Variants in KCNJ12 observed in about 807,000 individuals in gnomAD.
KCNJ12 encodes potassium inwardly rectifying channel subfamily J member 12, also known as ATP-sensitive inward rectifier potassium channel 12.
In KCNJ12, 2 loss-of-function variants were observed where a neutral mutation model predicts 22.3. That is an observed-to-expected ratio of 0.09 (90% CI 0.04 to 0.28). The LOEUF (loss-of-function observed/expected upper bound fraction) is 0.28. Ranked by LOEUF, KCNJ12 falls within the 10% of genes least tolerant of loss-of-function variation. The probability of loss-of-function intolerance (pLI) is 1.00; values close to 1 mark genes in which losing one functional copy is unlikely to be tolerated. For missense variants in KCNJ12, 155 were observed against 633.3 expected, an observed-to-expected ratio of 0.24 and a Z score of 8.11; for synonymous variants, 117 against 261.4, an observed-to-expected ratio of 0.45 and a Z score of 5.33.
rs555779810 is a variant in KCNJ12 at position 21,379,438 on chromosome 17, C to G, written c.-179+2525C>G. Among the ~76,000 whole-genome samples, 1,238 of 152,324 alleles carry G rather than the reference C, an allele frequency of 8.1e-3. 15 individuals are homozygous for G. Among genetic ancestry groups the G allele is most frequent in the African/African-American group, 0.028 (1,158 of 41,582 alleles). ...CCCAGGCCCAGCTCTGGGCTGGGCC[C>G]TTCCTCCAACAGGTGCAGCTGGTGC... On this transcript the variant is annotated intron_variant, in intron 1 of 2. Coordinates refer to ENST00000583088, the MANE Select transcript of KCNJ12 (RefSeq NM_021012.5).
chr17:21,407,105 A>C (rs1430258048), intron 1 of KCNJ12, among the ~76,000 whole-genome samples: 1 of 152,284 alleles, frequency 6.6e-6, no homozygotes, highest in Non-Finnish European at 1.5e-5. Context: ...CCATCTAGTC[A>C]TCTATCCTAC....
chr17:21,382,692 T>C (rs76248858), intron 1 of KCNJ12, among the ~76,000 whole-genome samples: 2,563 of 152,258 alleles, frequency 0.017, 74 homozygotes, highest in African/African-American at 0.059. Context: ...ACAGGGCTGG[T>C]GGCCCCTTTT....
At chr17:21,401,457 G>A (rs79413162) in intron 1 of KCNJ12, among the ~76,000 whole-genome samples, 1 of 152,252 alleles carries the variant, frequency 6.6e-6, no homozygotes, top group Non-Finnish European at 1.5e-5. Flanking sequence ...TGTGGGCCGA[G>A]CTCAGAGCTC....
At chr17:21,407,700 C>T (rs1402624975) in intron 1 of KCNJ12, among the ~76,000 whole-genome samples, 4 of 152,302 alleles carry the variant, frequency 2.6e-5, no homozygotes, top group African/African-American at 9.6e-5. Flanking sequence ...TCCATCCAAT[C>T]ATCTACTTTC....
At chr17:21,410,443 G>A (rs1467900305) in intron 2 of KCNJ12, among the ~76,000 whole-genome samples, 67 of 152,250 alleles carry the variant, frequency 4.4e-4, no homozygotes, top group Admixed American at 4.3e-3. Flanking sequence ...TTGCCTGGGC[G>A]AGGCTGGAGC....
At chr17:21,390,310 C>T (rs1451545608) in intron 1 of KCNJ12, among the ~76,000 whole-genome samples, 2 of 152,172 alleles carry the variant, frequency 1.3e-5, no homozygotes, top group Middle Eastern at 3.2e-3. Context: ...CCAAAGGTGG[C>T]GATGGAGGGC....
intron 1 of KCNJ12, among the ~76,000 whole-genome samples, chr17:21,390,114 C>A (rs1905172698): frequency 6.6e-6 from 1 of 152,164 alleles, no homozygotes; most frequent in Non-Finnish European, 1.5e-5. Context: ...GCAGGGTAAC[C>A]ACCTCTTTCA....
At chr17:21,415,142 G>C in intron 2 of KCNJ12, 145 bp from the exon 3 acceptor site, 1 of 812,094 alleles carries the variant, frequency 1.2e-6, no homozygotes. Context: ...AGGCGGAGTG[G>C]GGAGCTGGCT....
chr17:21,412,543 C>T (rs1437351360), intron 2 of KCNJ12, among the ~76,000 whole-genome samples: 1 of 152,310 alleles, frequency 6.6e-6, no homozygotes, highest in Non-Finnish European at 1.5e-5. Context: ...GGCCTCACGC[C>T]GGCGTCTGAG....
chr17:21,393,449 C>A (rs1391501734), intron 1 of KCNJ12, among the ~76,000 whole-genome samples: 1 of 152,180 alleles, frequency 6.6e-6, no homozygotes, highest in Non-Finnish European at 1.5e-5. Context: ...TCTGCGTGCG[C>A]CCTCCCCTCT....
intron 1 of KCNJ12, among the ~76,000 whole-genome samples, chr17:21,406,033 C>G (rs1366967114): frequency 6.6e-6 from 1 of 152,252 alleles, no homozygotes; most frequent in Non-Finnish European, 1.5e-5. Context: ...CTGCTGCAAG[C>G]CAGGTGACCA....
intron 1 of KCNJ12, among the ~76,000 whole-genome samples, chr17:21,401,194 C>T (rs1341311587): frequency 6.6e-6 from 1 of 152,350 alleles, no homozygotes; most frequent in Non-Finnish European, 1.5e-5. Flanking sequence ...GGGCAGCCCT[C>T]CTGGGGGTCT....
At chr17:21,388,059 C>T (rs1361701315) in intron 1 of KCNJ12, among the ~76,000 whole-genome samples, 1 of 152,142 alleles carries the variant, frequency 6.6e-6, no homozygotes, top group African/African-American at 2.4e-5. Context: ...TGCTTGGCGT[C>T]TCCTTTGTTT....
At chr17:21,393,725 T>G (rs1905264748) in intron 1 of KCNJ12, among the ~76,000 whole-genome samples, 1 of 152,218 alleles carries the variant, frequency 6.6e-6, no homozygotes, top group African/African-American at 2.4e-5. Context: ...GCTTTACAGA[T>G]GAAACCACAG....
At chr17:21,383,464 A>T (rs1904955529) in intron 1 of KCNJ12, among the ~76,000 whole-genome samples, 1 of 152,136 alleles carries the variant, frequency 6.6e-6, no homozygotes. Flanking sequence ...GCATGATCAC[A>T]GGGAGGGCAG....
At chr17:21,381,183 C>T (rs1177497087) in intron 1 of KCNJ12, among the ~76,000 whole-genome samples, 1 of 152,206 alleles carries the variant, frequency 6.6e-6, no homozygotes, top group Admixed American at 6.5e-5. Flanking sequence ...CCCCTGCCCA[C>T]CTGGACTGAG....
At chr17:21,394,448 G>A (rs1292356792) in intron 1 of KCNJ12, among the ~76,000 whole-genome samples, 1 of 152,196 alleles carries the variant, frequency 6.6e-6, no homozygotes, top group Non-Finnish European at 1.5e-5. Flanking sequence ...TGATGAAACT[G>A]CCTGATGACA....
At chr17:21,382,502 T>TG (rs1904903340) in intron 1 of KCNJ12, among the ~76,000 whole-genome samples, 1 of 151,980 alleles carries the variant, frequency 6.6e-6, no homozygotes, top group Non-Finnish European at 1.5e-5. Flanking sequence ...GTCTTTTTTT[T>TG]GGAACATGAC....
intron 2 of KCNJ12, among the ~76,000 whole-genome samples, chr17:21,413,926 C>A (rs1443714365): frequency 6.6e-6 from 1 of 152,284 alleles, no homozygotes; most frequent in African/African-American, 2.4e-5. Flanking sequence ...AGCAGCCTTG[C>A]AATCTTCCTT....
Sources: allele counts gnomAD v4.1 joint callset (sites outside exome capture counted in the v4.1 genomes callset), GRCh38; gene constraint gnomAD v4.1.1; transcripts MANE v1.5; gene names NCBI Gene and HGNC (gene_info 2026-07-23, HGNC 2026-07-21).